The following NLRP5 variants were observed in gnomAD, a reference collection of about 807,000 sequenced individuals.
NLRP5 encodes NACHT, LRR and PYD domains-containing protein 5.
NLRP5 carries 93 observed loss-of-function variants against 113.1 expected under a neutral mutation model. The ratio of observed to expected loss-of-function variants is 0.82; its 90% confidence interval spans 0.70 to 0.98. NLRP5 has a LOEUF of 0.98. Among genes scored for constraint, NLRP5 ranks in the 50% least tolerant of loss-of-function variants. The pLI is 0.00. For synonymous variants in NLRP5, 751 were observed against 600.7 expected (o/e 1.25, Z -3.66); for missense variants, 1,808 against 1,514.3 (o/e 1.19, Z -3.22).
chr19:56,005,897 A>T (rs1004370667), intron 2 of NLRP5, among the ~76,000 whole-genome samples: 7 of 152,190 alleles, frequency 4.6e-5, no homozygotes, highest in African/African-American at 1.7e-4. Context: ...CCTATGGCTG[A>T]AGCTGTGATA....
At chr19:56,019,538 C>T in intron 5 of NLRP5, 140 bp downstream of exon 5, 1 of 893,040 alleles carries the variant, frequency 1.1e-6, no homozygotes, top group Non-Finnish European at 1.7e-6. Flanking sequence ...CAACCCCTTC[C>T]CTTCAAGCTC....
chr19:56,058,712 A>G (rs1984248283), intron 14 of NLRP5, among the ~76,000 whole-genome samples: 1 of 152,212 alleles, frequency 6.6e-6, no homozygotes, highest in South Asian at 2.1e-4. Context: ...TGATCCAGCA[A>G]TCTTACTTCT....
upstream of NLRP5, among the ~76,000 whole-genome samples, chr19:55,998,710 G>GTGTGTGTGTGTATATATATATA (rs764250371): frequency 1.8e-4 from 12 of 67,838 alleles, no homozygotes; most frequent in East Asian, 4.2e-4. Context: ...ATATGTGTGT[G>GTGTGTGTGTGTATATATATATA]TGTGTATATA....
the NLRP5 span, among the ~76,000 whole-genome samples, chr19:55,991,338 T>G: frequency 6.6e-6 from 1 of 151,862 alleles, no homozygotes; most frequent in Non-Finnish European, 1.5e-5. Context: ...GTGAATATCA[T>G]TCTTCTTAGA....
chr19:55,989,194 A>T, the NLRP5 span, among the ~76,000 whole-genome samples: 1 of 152,154 alleles, frequency 6.6e-6, no homozygotes, highest in Non-Finnish European at 1.5e-5. Context: ...AAATTCATTT[A>T]TGTCTACTTA....
chr19:56,057,168 A>G (rs1000398377), intron 13 of NLRP5, among the ~76,000 whole-genome samples: 23 of 152,206 alleles, frequency 1.5e-4, no homozygotes, highest in African/African-American at 5.3e-4. Flanking sequence ...TCAATCTAGA[A>G]TGATTAGGAC....
chr19:56,043,539 A>ATTATTTTT lies in NLRP5; in HGVS notation c.2957+2449_2957+2450insATTTTTTT, dbSNP rs1568498691. On this transcript the variant is annotated intron_variant, in intron 11 of 14. Transcript: ENST00000390649. Reference sequence around the variant, plus strand: ...CTATGGATTGTCTGTTTACTCTGCTATTCTTTTTTTTTTTTTTTTTTTTTT... The same window carrying ATTATTTTT: ...CTATGGATTGTCTGTTTACTCTGCTATTATTTTTTTCTTTTTTTTTTTTTTTTTTTTTT... 7.4e-5 allele frequency among the ~76,000 whole-genome samples: 2 copies of ATTATTTTT among 27,032 alleles called. 1 individual carries two copies. Among genetic ancestry groups the ATTATTTTT allele is most frequent in the African/African-American group, 2.6e-4 (2 of 7,700 alleles). 17.7% of individuals were successfully genotyped at this position (27,032 alleles called of 152,430 possible). A position where few individuals can be genotyped will look rare whatever the true frequency, so the allele number is the denominator to read the frequency against.
chr19:56,002,350 T>C (rs1007280703), intron 1 of NLRP5, among the ~76,000 whole-genome samples: 3 of 152,208 alleles, frequency 2.0e-5, no homozygotes, highest in Non-Finnish European at 4.4e-5. Context: ...CAAAACTGTT[T>C]ACTGTGTTTA....
At chr19:56,013,536 A>G (rs1982281629) in intron 3 of NLRP5, among the ~76,000 whole-genome samples, 1 of 145,234 alleles carries the variant, frequency 6.9e-6, no homozygotes, top group African/African-American at 2.6e-5. Context: ...TTATGGCTGA[A>G]CAGTATTCCT....
chr19:56,023,482 A>G (rs1481591571), intron 6 of NLRP5, among the ~76,000 whole-genome samples: 1 of 152,228 alleles, frequency 6.6e-6, no homozygotes, highest in Non-Finnish European at 1.5e-5. Flanking sequence ...AAAACTCCAC[A>G]AAGTTCCAAA....
Position 56,013,596 on chromosome 19 carries a change from G to GTTTTTTTTTTTTTCTTTTTTTTTT in NLRP5, c.509-2133_509-2132insCTTTTTTTTTTTTTTTTTTTTTTT, listed in dbSNP as rs1982288427. Among the ~76,000 whole-genome samples the GTTTTTTTTTTTTTCTTTTTTTTTT allele has an allele frequency of 3.4e-5, 2 of 59,284 alleles. 1 individual carries two copies. The highest frequency in any genetic ancestry group is 5.8e-5 in the Non-Finnish European group (2 of 34,718). The allele number at this position is 59,284 out of a possible 152,430, so 38.9% of individuals were successfully genotyped here. ...CATTTATCACATGATGGACATTTGG[G>GTTTTTTTTTTTTTCTTTTTTTTTT]TTTTTTTTTTTTTTTTTTTTTGCTA... On this transcript the variant is annotated intron_variant, in intron 3 of 14. Coordinates refer to ENST00000390649, the MANE Select transcript of NLRP5 (RefSeq NM_153447.4).
intron 3 of NLRP5, among the ~76,000 whole-genome samples, chr19:56,010,757 T>TAAAAAAAAAAAAAAAAAAAAAAAAAAAAA (rs1334394117): frequency 4.6e-5 from 1 of 21,684 alleles, no homozygotes; most frequent in Admixed American, 4.1e-4. Context: ...AAAAAAAAAG[T>TAAAAAAAAAAAAAAAAAAAAAAAAAAAAA]CCCTTGAAAC....
chr19:56,004,166 G>GT, intron 2 of NLRP5, 71 bp downstream of exon 2: 1 of 1,484,332 alleles, frequency 6.7e-7, no homozygotes, highest in South Asian at 1.3e-5. Context: ...GAACAGGGAA[G>GT]AATCGTTGTT....
chr19:56,024,454 C>T (rs117149740), intron 6 of NLRP5, among the ~76,000 whole-genome samples: 20,126 of 142,956 alleles, frequency 0.14, 1,777 homozygotes, highest in Non-Finnish European at 0.2. Context: ...TTTATATATA[C>T]GTACATACAT....
In NLRP5 at chr19:56,027,466, C is replaced by A; in HGVS notation, c.1233C>A (p.Asp411Glu). 3 of 1,613,666 alleles carry A rather than the reference C, an allele frequency of 1.9e-6. No homozygotes were observed. The highest frequency in any genetic ancestry group is 2.5e-6 in the Non-Finnish European group (3 of 1,179,752). Residue 411 changes from aspartate (D) to glutamate (E), a missense_variant, in exon 7 of 15, where the codon GAC (aspartate) becomes GAA (glutamate). Transcript: ENST00000390649. ...CCTTCCTGATCGTCACCGTCAGAGA[C>A]GTGGGCACAGAGAAGCTCAAGTCAG...
intron 9 of NLRP5, among the ~76,000 whole-genome samples, chr19:56,034,284 G>A (rs1234117405): frequency 1.3e-5 from 2 of 152,200 alleles, no homozygotes; most frequent in East Asian, 3.9e-4. Flanking sequence ...TACTCGGGAG[G>A]CTGAGTCAGG....
At chr19:56,041,818 G>A (rs533414936) in intron 11 of NLRP5, among the ~76,000 whole-genome samples, 17 of 152,034 alleles carry the variant, frequency 1.1e-4, no homozygotes, top group Admixed American at 2.6e-4. Flanking sequence ...GTGTGGTGGC[G>A]CATACCTGTA....
intron 11 of NLRP5, among the ~76,000 whole-genome samples, chr19:56,045,226 C>T (rs1247906290): frequency 6.6e-6 from 1 of 152,120 alleles, no homozygotes; most frequent in African/African-American, 2.4e-5. Context: ...CTGGCTAGGA[C>T]TTCCAGTACT....
Position 56,040,923 on chromosome 19 carries a change from C to G in NLRP5, c.2788C>G (p.Leu930Val), listed in dbSNP as rs759497103. Residue 930 changes from leucine to valine, a missense_variant and splice_region_variant, in exon 11 of 15, where the codon CTG becomes GTG. Transcript: ENST00000390649. ...CTCTCTGGGGCTCTCTTCTTGCAGA[C>G]TGGAGGACTGTGGCATCACAGCCAC... 1 of 1,613,536 alleles carries G rather than the reference C, an allele frequency of 6.2e-7. No individual in the cohort carries two copies. Among genetic ancestry groups the G allele is most frequent in the Non-Finnish European group, 8.5e-7 (1 of 1,179,584 alleles).
Sources: allele counts gnomAD v4.1 joint callset (sites outside exome capture counted in the v4.1 genomes callset), GRCh38; gene constraint gnomAD v4.1.1; transcripts MANE v1.5; gene names NCBI Gene and HGNC (gene_info 2026-07-23, HGNC 2026-07-21).